Variants in FAM81A observed in about 807,000 individuals in gnomAD.
FAM81A encodes protein FAM81A.
A neutral mutation model predicts 46.7 loss-of-function variants in FAM81A; 19 were observed. The ratio of observed to expected loss-of-function variants is 0.41; its 90% CI spans 0.28 to 0.60. The LOEUF (loss-of-function observed/expected upper bound fraction) is 0.60, where lower values mean the gene tolerates loss of function less well. Ranked by LOEUF, FAM81A falls within the 20% of genes least tolerant of loss-of-function variation. FAM81A has a pLI of 0.34. For missense variants in FAM81A, 377 were observed against 453.5 expected, an observed-to-expected ratio of 0.83 and a Z score of 1.53; for synonymous variants, 183 against 152.9, an observed-to-expected ratio of 1.20 and a Z score of -1.45.
At chr15:59,410,857 T>A (rs561341239) in intron 2 of FAM81A, among the ~76,000 whole-genome samples, 12 of 152,222 alleles carry the variant, frequency 7.9e-5, no homozygotes, top group African/African-American at 2.9e-4. Flanking sequence ...TTCAAGTAAC[T>A]CTCCTGCCTC....
chr15:59,517,260 G>T (rs191096079), intron 8 of FAM81A, among the ~76,000 whole-genome samples: 2 of 152,262 alleles, frequency 1.3e-5, no homozygotes, highest in East Asian at 1.9e-4. Flanking sequence ...GGTCAGCAGG[G>T]CGCATTAATT....
At chr15:59,504,354 C>T (rs115385413) in intron 4 of FAM81A, among the ~76,000 whole-genome samples, 67 of 152,154 alleles carry the variant, frequency 4.4e-4, no homozygotes, top group African/African-American at 1.6e-3. Flanking sequence ...TCCTTATATT[C>T]ATTCATTCAC....
At chr15:59,401,729 A>T (rs540448156) in intron 1 of FAM81A, 1 of 773,522 alleles carries the variant, frequency 1.3e-6, no homozygotes, top group South Asian at 1.3e-5. Flanking sequence ...CTCTCTGTCC[A>T]GCAGATAGGC....
At chr15:59,487,010 G>T (rs768271889) in intron 3 of FAM81A, among the ~76,000 whole-genome samples, 4 of 151,688 alleles carry the variant, frequency 2.6e-5, no homozygotes, top group Admixed American at 6.6e-5. Context: ...TGTAATTGTG[G>T]TATGTAAACT....
At chr15:59,415,117 GTT>G (rs578095929) in intron 2 of FAM81A, among the ~76,000 whole-genome samples, 1 of 133,602 alleles carries the variant, frequency 7.5e-6, no homozygotes, top group African/African-American at 2.7e-5. Flanking sequence ...TGCCCAGCCT[GTT>G]TTTTTTTTTT....
intron 3 of FAM81A, among the ~76,000 whole-genome samples, chr15:59,478,351 T>G (rs1037119830): frequency 1.3e-5 from 2 of 152,228 alleles, no homozygotes; most frequent in Admixed American, 1.3e-4. Flanking sequence ...ATACGTAGTT[T>G]GCTAGTTTAA....
chr15:59,498,004 G>A (rs2082052262), intron 4 of FAM81A, among the ~76,000 whole-genome samples: 1 of 152,136 alleles, frequency 6.6e-6, no homozygotes, highest in African/African-American at 2.4e-5. Flanking sequence ...CTACAGGCAT[G>A]TGCCACCACA....
At chr15:59,495,423 T>C (rs2141769468) in intron 4 of FAM81A, among the ~76,000 whole-genome samples, 1 of 152,352 alleles carries the variant, frequency 6.6e-6, no homozygotes, top group African/African-American at 2.4e-5. Context: ...TGTTCATCAG[T>C]TGAACGTTGG....
chr15:59,415,755 A>G (rs562341993), intron 2 of FAM81A, among the ~76,000 whole-genome samples: 1 of 152,336 alleles, frequency 6.6e-6, no homozygotes, highest in East Asian at 1.9e-4. Flanking sequence ...TTATTTAATG[A>G]CAGCAAAAAG....
chr15:59,486,416 A>T (rs1312548076), intron 3 of FAM81A, among the ~76,000 whole-genome samples: 3 of 152,172 alleles, frequency 2.0e-5, no homozygotes, highest in African/African-American at 7.2e-5. Context: ...AAAAGGACAA[A>T]TCTAAAAGTT....
At chr15:59,453,089 T>C (rs1404054777) in intron 1 of FAM81A, among the ~76,000 whole-genome samples, 2 of 152,156 alleles carry the variant, frequency 1.3e-5, no homozygotes, top group Non-Finnish European at 2.9e-5. Context: ...AAAATAGATA[T>C]GTATTCTATC....
intron 1 of FAM81A, among the ~76,000 whole-genome samples, chr15:59,456,144 G>A (rs1173934659): frequency 1.3e-5 from 2 of 152,194 alleles, no homozygotes; most frequent in African/African-American, 2.4e-5. Context: ...TTTATAGACT[G>A]GAGGGGCTAG....
intron 1 of FAM81A, chr15:59,401,616 C>T: frequency 1.1e-6 from 1 of 912,024 alleles, no homozygotes. Flanking sequence ...ACTTCTGTTT[C>T]TCCCTGGGCA....
chr15:59,411,122 A>G (rs1380963844), intron 2 of FAM81A, among the ~76,000 whole-genome samples: 1 of 152,188 alleles, frequency 6.6e-6, no homozygotes, highest in Non-Finnish European at 1.5e-5. Context: ...AAAGTATATT[A>G]GCTTTTATAA....
upstream of FAM81A, among the ~76,000 whole-genome samples, chr15:59,433,784 C>T (rs573795045): frequency 2.0e-4 from 30 of 152,184 alleles, no homozygotes; most frequent in Non-Finnish European, 3.5e-4. Flanking sequence ...CACAGAATAA[C>T]GTCCCAAGGT....
At chr15:59,489,315 A>T (rs533576791) in intron 3 of FAM81A, among the ~76,000 whole-genome samples, 2 of 141,284 alleles carry the variant, frequency 1.4e-5, no homozygotes, top group African/African-American at 5.3e-5. Context: ...ACATACATAT[A>T]TACATACATA....
intron 1 of FAM81A, among the ~76,000 whole-genome samples, chr15:59,448,698 A>T (rs1464595519): frequency 1.3e-5 from 2 of 152,022 alleles, no homozygotes; most frequent in Non-Finnish European, 2.9e-5. Flanking sequence ...AGATCTAGCT[A>T]GCTCTGTTGC....
intron 2 of FAM81A, among the ~76,000 whole-genome samples, chr15:59,412,673 G>A (rs1450014250): frequency 5.3e-5 from 8 of 151,826 alleles, no homozygotes; most frequent in South Asian, 2.1e-4. Flanking sequence ...GCTGCAGTGA[G>A]CTGTGATCGC....
chr15:59,435,945 T>C (rs1412219844), upstream of FAM81A, among the ~76,000 whole-genome samples: 1 of 152,130 alleles, frequency 6.6e-6, no homozygotes, highest in Non-Finnish European at 1.5e-5. Context: ...GGCTTAATCA[T>C]TGTGCATTAA....
Sources: gnomAD v4.1 joint callset for allele counts (sites outside exome capture counted in the v4.1 genomes callset) on GRCh38, gnomAD v4.1.1 for gene constraint, MANE v1.5 for transcripts, NCBI Gene and HGNC (gene_info 2026-07-23, HGNC 2026-07-21) for gene names.